The following SLC39A11 variants were observed in gnomAD, a reference collection of about 807,000 sequenced individuals.
SLC39A11 encodes the protein zinc transporter ZIP11.
SLC39A11 carries 33 observed loss-of-function variants against 36.1 expected under a neutral mutation model. The observed-to-expected ratio is 0.91, with a 90% CI of 0.69 to 1.22. SLC39A11 has a LOEUF of 1.22. Ranked by LOEUF, SLC39A11 falls within the 50% of genes most tolerant of loss-of-function variation. The probability of loss-of-function intolerance (pLI) is 0.00; values close to 1 mark genes in which losing one functional copy is unlikely to be tolerated. For synonymous variants in SLC39A11, 166 were observed against 170.3 expected, an observed-to-expected ratio of 0.97 and a Z score of 0.20; for missense variants, 432 against 430.3, an observed-to-expected ratio of 1.00 and a Z score of -0.03.
chr17:72,966,996 G>A (rs1416485560), intron 4 of SLC39A11, among the ~76,000 whole-genome samples: 1 of 152,162 alleles, frequency 6.6e-6, no homozygotes, highest in Non-Finnish European at 1.5e-5. Flanking sequence ...TGCATGCAAA[G>A]GATCTAGGTT....
At chr17:72,952,009 G>A (rs1339766300) in intron 4 of SLC39A11, among the ~76,000 whole-genome samples, 1 of 152,044 alleles carries the variant, frequency 6.6e-6, no homozygotes, top group Non-Finnish European at 1.5e-5. Context: ...CTTAGAAGCT[G>A]CCCTTTTAAA....
chr17:72,743,221 G>T (rs745580066), intron 6 of SLC39A11, among the ~76,000 whole-genome samples: 1 of 150,812 alleles, frequency 6.6e-6, no homozygotes, highest in Non-Finnish European at 1.5e-5. Context: ...GCCGTAAACC[G>T]CAGTCTCTCA....
intron 6 of SLC39A11, among the ~76,000 whole-genome samples, chr17:72,813,047 G>T (rs948803731): frequency 6.6e-6 from 1 of 152,182 alleles, no homozygotes; most frequent in African/African-American, 2.4e-5. Context: ...GCAGAAAATG[G>T]TTGTTCGTGA....
At chr17:73,064,047 C>A (rs1191982011) in intron 3 of SLC39A11, among the ~76,000 whole-genome samples, 1 of 151,728 alleles carries the variant, frequency 6.6e-6, no homozygotes, top group Non-Finnish European at 1.5e-5. Context: ...AGACCAGCGC[C>A]TCAGAAATTG....
intron 5 of SLC39A11, among the ~76,000 whole-genome samples, chr17:72,853,870 T>C (rs563101532): frequency 1.2e-4 from 19 of 152,250 alleles, no homozygotes; most frequent in African/African-American, 4.1e-4. Flanking sequence ...GGGAAAAGGA[T>C]GATCAGTTAG....
chr17:72,784,459 T>C (rs938480196), intron 6 of SLC39A11, among the ~76,000 whole-genome samples: 3 of 152,156 alleles, frequency 2.0e-5, no homozygotes, highest in Non-Finnish European at 4.4e-5. Context: ...TAGTGCAGCA[T>C]TACTGCAGAG....
chr17:72,911,413 T>C (rs1404422894), intron 5 of SLC39A11, among the ~76,000 whole-genome samples: 1 of 137,800 alleles, frequency 7.3e-6, no homozygotes. Flanking sequence ...ACTTAAAGTA[T>C]AATTTAAAAA....
chr17:72,976,067 G>A (rs1434207684), intron 4 of SLC39A11, among the ~76,000 whole-genome samples: 3 of 150,614 alleles, frequency 2.0e-5, no homozygotes, highest in Non-Finnish European at 4.4e-5. Flanking sequence ...CTACTCGGGA[G>A]GCTGAGGCAG....
intron 7 of SLC39A11, among the ~76,000 whole-genome samples, chr17:72,705,353 T>C (rs1271721034): frequency 6.6e-6 from 1 of 152,244 alleles, no homozygotes. Context: ...GGAATGTGGT[T>C]GAATTTATAT....
chr17:73,008,322 C>T (rs2090308334), intron 4 of SLC39A11, among the ~76,000 whole-genome samples: 1 of 152,126 alleles, frequency 6.6e-6, no homozygotes, highest in Admixed American at 6.6e-5. Context: ...TAAGATTATT[C>T]TGGCTATTTC....
At chr17:72,858,269 G>A (rs1294105223) in intron 5 of SLC39A11, among the ~76,000 whole-genome samples, 2 of 152,050 alleles carry the variant, frequency 1.3e-5, no homozygotes, top group African/African-American at 2.4e-5. Flanking sequence ...CAGCTTTGTC[G>A]AAGATCAGAT....
intron 6 of SLC39A11, among the ~76,000 whole-genome samples, chr17:72,786,141 T>C (rs896146985): frequency 2.6e-5 from 4 of 152,148 alleles, no homozygotes; most frequent in South Asian, 2.1e-4. Context: ...GTTTTAGCAA[T>C]TGACTGCATG....
intron 6 of SLC39A11, among the ~76,000 whole-genome samples, chr17:72,771,210 C>A (rs993471249): frequency 3.3e-5 from 5 of 152,046 alleles, no homozygotes; most frequent in African/African-American, 1.2e-4. Context: ...CATGGCAAGA[C>A]CCCGTGTCTA....
At chr17:73,088,925 C>G in intron 1 of SLC39A11, 150 bp from the exon 2 acceptor site, 3 of 630,164 alleles carry the variant, frequency 4.8e-6, no homozygotes, top group Non-Finnish European at 8.6e-6. Flanking sequence ...TGTCCCTCAG[C>G]CACCCAGCAC....
chr17:72,866,706 G>C (rs1270307146), intron 5 of SLC39A11, among the ~76,000 whole-genome samples: 2 of 152,190 alleles, frequency 1.3e-5, no homozygotes, highest in African/African-American at 4.8e-5. Context: ...TGCTTACAGA[G>C]AATGCAATGC....
intron 3 of SLC39A11, among the ~76,000 whole-genome samples, chr17:73,039,520 G>A (rs2059038215): frequency 6.6e-6 from 1 of 152,194 alleles, no homozygotes; most frequent in African/African-American, 2.4e-5. Context: ...AACGAGGGTG[G>A]AGAAATGAGA....
At chr17:72,779,468 G>T (rs12942980) in intron 6 of SLC39A11, among the ~76,000 whole-genome samples, 2 of 151,864 alleles carry the variant, frequency 1.3e-5, no homozygotes, top group African/African-American at 4.8e-5. Context: ...AAGAGCATTT[G>T]GAGGGGGCTG....
chr17:72,879,510 G>A (rs1307244319), intron 5 of SLC39A11, among the ~76,000 whole-genome samples: 1 of 152,122 alleles, frequency 6.6e-6, no homozygotes, highest in Non-Finnish European at 1.5e-5. Flanking sequence ...GTTTCTACAT[G>A]CTCTTTTTAC....
chr17:73,063,237 T>C (rs2059900804), intron 3 of SLC39A11, among the ~76,000 whole-genome samples: 1 of 152,188 alleles, frequency 6.6e-6, no homozygotes, highest in African/African-American at 2.4e-5. Context: ...GGTAACTGAA[T>C]CAATTGGATT....
Sources: gnomAD v4.1 joint callset for allele counts (sites outside exome capture counted in the v4.1 genomes callset) on GRCh38, gnomAD v4.1.1 for gene constraint, MANE v1.5 for transcripts, NCBI Gene and HGNC (gene_info 2026-07-23, HGNC 2026-07-21) for gene names.